SLA: variants seen among roughly 807,000 people sequenced by gnomAD.
The protein encoded by SLA is Src like adaptor, also known as src-like-adapter.
In SLA, 16 loss-of-function variants were observed where a neutral mutation model predicts 30.3. The observed-to-expected ratio is 0.53, with a 90% CI of 0.36 to 0.80. The LOEUF (loss-of-function observed/expected upper bound fraction) is 0.80, where lower values mean the gene tolerates loss of function less well. Ranked by LOEUF, SLA falls within the 30% of genes least tolerant of loss-of-function variation. The pLI is 0.01. For synonymous variants in SLA, 143 were observed against 137.8 expected (o/e 1.04, Z -0.26); for missense variants, 310 against 345.2 (o/e 0.90, Z 0.81).
Position 133,038,576 on chromosome 8 carries a change from C to A in SLA, c.779G>T (p.Gly260Val), listed in dbSNP as rs1370641337. 1.2e-6 allele frequency: 2 copies of A among 1,614,130 alleles called. No homozygotes were observed. Among genetic ancestry groups the A allele is most frequent in the Non-Finnish European group, 8.5e-7 (1 of 1,179,976 alleles). The change falls in exon 9 of 9, where the codon GGC becomes GTC. Residue 260 changes from glycine to valine, a missense_variant. Gly to Val is a moderately radical substitution (Grantham distance 109). Coordinates refer to ENST00000338087, the MANE Select transcript of SLA (RefSeq NM_001045556.3). ...KKKSISLMYGGSKRKSSFFSS... is the reference protein window; with the variant it reads ...KKKSISLMYGVSKRKSSFFSS... ...GAAGAATGAGCTCTTTCTCTTGCTG[C>A]CACCATACATCAGGGAGATGCTTTT...
chr8:133,055,365 GCACACACACACACACACACA>G (rs869172140), intron 3 of SLA, among the ~76,000 whole-genome samples: 2 of 62,264 alleles, frequency 3.2e-5, no homozygotes, highest in African/African-American at 2.0e-4. Context: ...ACGCACGCGC[GCACACACACACACACACACA>G]CACACACACA....
intron 3 of SLA, among the ~76,000 whole-genome samples, chr8:133,053,627 G>A (rs1331673828): frequency 6.6e-6 from 1 of 152,116 alleles, no homozygotes; most frequent in African/African-American, 2.4e-5. Flanking sequence ...TCTACAGAGG[G>A]GTTTGAGGTT....
At chr8:133,094,227 G>T (rs1244997490) in intron 1 of SLA, among the ~76,000 whole-genome samples, 1 of 147,930 alleles carries the variant, frequency 6.8e-6, no homozygotes, top group Non-Finnish European at 1.5e-5. Flanking sequence ...TTAGAAAGAA[G>T]AAACCTGTCG....
intron 3 of SLA, among the ~76,000 whole-genome samples, chr8:133,054,197 C>T (rs768400656): frequency 2.0e-5 from 3 of 151,950 alleles, no homozygotes; most frequent in Non-Finnish European, 2.9e-5. Context: ...GAGAGCTCAG[C>T]GTTTGAATTC....
At chr8:133,096,177 A>G (rs750254844) in intron 1 of SLA, 2 of 1,613,698 alleles carry the variant, frequency 1.2e-6, no homozygotes, top group African/African-American at 1.3e-5. Flanking sequence ...TTATTCCAGG[A>G]CAACTGATTA....
chr8:133,082,305 CA>C (rs1256104660), intron 1 of SLA, among the ~76,000 whole-genome samples: 1 of 152,100 alleles, frequency 6.6e-6, no homozygotes, highest in African/African-American at 2.4e-5. Flanking sequence ...CTAGCTTTGG[CA>C]CTTTGCATGA....
intron 2 of SLA, among the ~76,000 whole-genome samples, chr8:133,067,442 G>C (rs1002735573): frequency 3.9e-5 from 6 of 152,134 alleles, no homozygotes; most frequent in Non-Finnish European, 8.8e-5. Context: ...TCTCAGGCCT[G>C]ACTCCAAGCC....
Position 133,095,078 on chromosome 8 carries a change from G to A in SLA, c.-319+7475C>T, listed in dbSNP as rs769833652. 6 of 1,614,054 alleles carry A rather than the reference G, an allele frequency of 3.7e-6. No homozygotes were observed. In the African/African-American group the frequency reaches 8.0e-5, roughly 22 times the overall value. On this transcript the variant is annotated intron_variant, in intron 1 of 8. Transcript: ENST00000338087. ...GCACTCTCCCCGGCCGCCGTCATCA[G>A]CCATGAGAGGGCTCAGCAGCAGGCA...
chr8:133,096,520 G>T, intron 1 of SLA: 2 of 971,972 alleles, frequency 2.1e-6, no homozygotes, highest in Non-Finnish European at 3.1e-6. Flanking sequence ...GGTGGTAATG[G>T]GGGGATTTAG....
rs759925505 is a variant in SLA at position 133,060,183 on chromosome 8, G to A, written c.-23C>T. 1.6e-5 allele frequency: 25 copies of A among 1,612,736 alleles called. No individual in the cohort carries two copies. The highest frequency in any genetic ancestry group is 6.7e-5 in the East Asian group (3 of 44,794). ...CATTTCTTTCTTTTTCCCTGGGGCC[G>A]CTGGTGATGCCCAGAGCCTGTGGTA... On this transcript the variant is annotated 5_prime_UTR_variant, in exon 3 of 9. Transcript: ENST00000338087.
At chr8:133,088,198 A>G (rs1021061850) in intron 1 of SLA, among the ~76,000 whole-genome samples, 2 of 152,050 alleles carry the variant, frequency 1.3e-5, no homozygotes, top group Non-Finnish European at 2.9e-5. Context: ...CAGACATAAC[A>G]TGGTGTGTTT....
intron 1 of SLA, chr8:133,094,901 A>G: frequency 9.2e-7 from 1 of 1,083,140 alleles, no homozygotes; most frequent in Non-Finnish European, 1.4e-6. Flanking sequence ...TTATCTTCCC[A>G]TTGTGTGCAG....
Position 133,098,520 on chromosome 8 carries a change from G to A in SLA, c.-319+4033C>T, listed in dbSNP as rs16904831. Among the ~76,000 whole-genome samples the A allele has an allele frequency of 4.7e-4, 72 of 152,322 alleles. No individual in the cohort carries two copies. In the East Asian group the frequency reaches 0.011, roughly 24 times the overall value. On this transcript the variant is annotated intron_variant, in intron 1 of 8. Coordinates refer to ENST00000338087, the MANE Select transcript of SLA (RefSeq NM_001045556.3). Reference sequence around the variant, plus strand: ...CCTTATTTGATACCCTCCTACAGGGGATGCAAAATCTCTGTGCACAAGACA... The same window carrying A: ...CCTTATTTGATACCCTCCTACAGGGAATGCAAAATCTCTGTGCACAAGACA...
At chr8:133,045,229 C>A in intron 6 of SLA, 114 bp from the exon 7 acceptor site, 3 of 1,076,912 alleles carry the variant, frequency 2.8e-6, no homozygotes, top group African/African-American at 3.1e-5. Flanking sequence ...TGGGATACAA[C>A]AGTGATGCTA....
At chr8:133,073,525 C>T (rs1013139326) in intron 2 of SLA, among the ~76,000 whole-genome samples, 9 of 152,122 alleles carry the variant, frequency 5.9e-5, no homozygotes, top group African/African-American at 2.2e-4. Flanking sequence ...CCAAGCCCAG[C>T]TAATTTTTGT....
intron 2 of SLA, chr8:133,060,479 G>A (rs1842213442): frequency 7.3e-6 from 7 of 956,678 alleles, no homozygotes; most frequent in Non-Finnish European, 8.9e-6. Flanking sequence ...TGCTGAGGAT[G>A]GTAAGCAGCC....
At chr8:133,058,153 A>T (rs916715070) in intron 3 of SLA, among the ~76,000 whole-genome samples, 4 of 152,230 alleles carry the variant, frequency 2.6e-5, no homozygotes, top group Non-Finnish European at 5.9e-5. Context: ...TTAACACGGC[A>T]TCACTGCACC....
intron 7 of SLA, among the ~76,000 whole-genome samples, chr8:133,041,361 C>T (rs559732353): frequency 5.9e-5 from 9 of 152,204 alleles, no homozygotes; most frequent in Admixed American, 1.3e-4. Context: ...TGTCACAGGG[C>T]GGGCAAGCCA....
intron 2 of SLA, 186 bp from the exon 3 acceptor site, chr8:133,060,386 C>T (rs1163724911): frequency 6.6e-7 from 1 of 1,521,874 alleles, no homozygotes; most frequent in Non-Finnish European, 8.8e-7. Flanking sequence ...GTTCTTTTAT[C>T]AAGGGAATGA....
Sources: gnomAD v4.1 joint callset for allele counts (sites outside exome capture counted in the v4.1 genomes callset) on GRCh38, gnomAD v4.1.1 for gene constraint, MANE v1.5 for transcripts, NCBI Gene and HGNC (gene_info 2026-07-23, HGNC 2026-07-21) for gene names.